The following VTI1A variants were observed in gnomAD, a reference collection of about 807,000 sequenced individuals.
VTI1A encodes the protein vesicle transport through interaction with t-SNAREs homolog 1A.
VTI1A carries 22 observed loss-of-function variants against 34.9 expected under a neutral mutation model. The ratio of observed to expected loss-of-function variants is 0.63; its 90% CI spans 0.45 to 0.90. VTI1A has a LOEUF of 0.90. Ranked by LOEUF, VTI1A falls within the 40% of genes least tolerant of loss-of-function variation. The pLI, the probability that VTI1A is intolerant of heterozygous loss-of-function variation, is 0.00. For missense variants in VTI1A, 268 were observed against 275.6 expected (o/e 0.97, Z 0.20); for synonymous variants, 87 against 97.3 (o/e 0.89, Z 0.62).
intron 2 of VTI1A, among the ~76,000 whole-genome samples, chr10:112,463,238 T>G (rs535594314): frequency 2.6e-5 from 4 of 152,292 alleles, no homozygotes; most frequent in African/African-American, 9.6e-5. Context: ...TTTTTATTTT[T>G]TAATGGCAAC....
intron 7 of VTI1A, among the ~76,000 whole-genome samples, chr10:112,788,953 C>T (rs1375811763): frequency 6.6e-6 from 1 of 152,036 alleles, no homozygotes; most frequent in Admixed American, 6.6e-5. Flanking sequence ...AATTTCCTCC[C>T]TCTTCCTTTG....
chr10:112,768,048 A>C (rs1028010925), intron 7 of VTI1A, among the ~76,000 whole-genome samples: 3 of 152,210 alleles, frequency 2.0e-5, no homozygotes, highest in Admixed American at 6.5e-5. Context: ...CTCCAGGACC[A>C]AGCCAGGCTT....
In VTI1A at chr10:112,779,624, A is replaced by C. The variant is rs1055762350; in HGVS notation, c.561-35666A>C. 5.3e-5 allele frequency among the ~76,000 whole-genome samples: 8 copies of C among 152,216 alleles called. No individual in the cohort carries two copies. In the East Asian group the frequency reaches 1.5e-3, roughly 29 times the overall value. On this transcript the variant is annotated intron_variant, in intron 7 of 7. Coordinates refer to ENST00000393077, the MANE Select transcript of VTI1A (RefSeq NM_145206.4). Reference sequence around the variant, plus strand: ...TGCTCTGTTAGCACATGCTCATCCCACTATTCAAAAAAATGACCATCTCGG... The same window carrying C: ...TGCTCTGTTAGCACATGCTCATCCCCCTATTCAAAAAAATGACCATCTCGG...
intron 7 of VTI1A, among the ~76,000 whole-genome samples, chr10:112,797,289 A>C (rs1435421972): frequency 1.3e-5 from 2 of 152,186 alleles, no homozygotes; most frequent in Non-Finnish European, 2.9e-5. Context: ...AAATATATAC[A>C]GAGAGAAATA....
At chr10:112,820,430 T>C (rs1419233796), downstream of VTI1A, among the ~76,000 whole-genome samples, 1 of 152,222 alleles carries the variant, frequency 6.6e-6, no homozygotes, top group Non-Finnish European at 1.5e-5. Context: ...CAAGAGATAT[T>C]CTGGTGGCTT....
chr10:112,531,222 A>C (rs1850428708), intron 4 of VTI1A, among the ~76,000 whole-genome samples: 2 of 152,196 alleles, frequency 1.3e-5, no homozygotes, highest in Non-Finnish European at 2.9e-5. Flanking sequence ...AGCGTAAACC[A>C]GATTTTTTCA....
In VTI1A at chr10:112,764,679, A is replaced by G. The variant is rs536622677; in HGVS notation, c.561-50611A>G. Among the ~76,000 whole-genome samples the G allele has an allele frequency of 2.9e-3, 440 of 152,272 alleles. 2 individuals are homozygous for G. The highest frequency in any genetic ancestry group is 9.9e-3 in the African/African-American group (412 of 41,562). ...GTTGAGCTTTTTCATTTTACTTAGT[A>G]TTTTGAGCCTGGTTAATGTTAACAT... is the stretch of plus-strand genomic sequence containing the variant. On this transcript the variant is annotated intron_variant, in intron 7 of 7. Transcript: ENST00000393077.
chr10:112,775,285 C>G (rs139855714), intron 7 of VTI1A, among the ~76,000 whole-genome samples: 34 of 152,174 alleles, frequency 2.2e-4, no homozygotes, highest in African/African-American at 8.2e-4. Context: ...GTTCCAAGAG[C>G]CTCATCGATC....
rs1304857539 is a variant in VTI1A at position 112,478,545 on chromosome 10, G to A, written c.264+13888G>A. ...TTGCTTCAGAGCGCTAACTGTGGGA[G>A]CGTACACAAAGGATTAAAATATGAA... On this transcript the variant is annotated intron_variant, in intron 3 of 7. Transcript: ENST00000393077. 2.0e-5 allele frequency among the ~76,000 whole-genome samples: 3 copies of A among 152,176 alleles called. No individual in the cohort carries two copies. The East Asian group carries it at 5.8e-4, about 29-fold the overall frequency.
chr10:112,508,502 G>C (rs1849506716), intron 3 of VTI1A, among the ~76,000 whole-genome samples: 1 of 152,142 alleles, frequency 6.6e-6, no homozygotes, highest in African/African-American at 2.4e-5. Context: ...GGGTAGGAGA[G>C]ACAAAAGTGA....
the VTI1A span, among the ~76,000 whole-genome samples, chr10:112,845,931 T>A: frequency 6.9e-3 from 1,044 of 152,042 alleles, 10 homozygotes; most frequent in African/African-American, 0.024. Flanking sequence ...GGCAGGAGAA[T>A]CACTTGAACC....
intron 7 of VTI1A, among the ~76,000 whole-genome samples, chr10:112,689,622 C>G (rs1454553184): frequency 6.6e-6 from 1 of 152,154 alleles, no homozygotes; most frequent in African/African-American, 2.4e-5. Flanking sequence ...TGATGGATGA[C>G]TTTTTGTCAT....
intron 7 of VTI1A, among the ~76,000 whole-genome samples, chr10:112,809,656 C>CAG (rs1853216681): frequency 6.6e-6 from 1 of 152,238 alleles, no homozygotes; most frequent in Non-Finnish European, 1.5e-5. Flanking sequence ...TACAAGCAGT[C>CAG]CTTAGAAACC....
At chr10:112,544,082 C>A (rs534938400) in intron 5 of VTI1A, among the ~76,000 whole-genome samples, 5 of 152,130 alleles carry the variant, frequency 3.3e-5, no homozygotes, top group Non-Finnish European at 7.3e-5. Flanking sequence ...GTTACTGTAG[C>A]CTTGTAGTAT....
intron 5 of VTI1A, among the ~76,000 whole-genome samples, chr10:112,665,101 G>A (rs1160690252): frequency 6.6e-6 from 1 of 152,176 alleles, no homozygotes; most frequent in Non-Finnish European, 1.5e-5. Context: ...AGGCCTCTGA[G>A]CTTGTGTTCT....
At chr10:112,459,389 C>T (rs1447345486) in intron 1 of VTI1A, among the ~76,000 whole-genome samples, 2 of 152,184 alleles carry the variant, frequency 1.3e-5, no homozygotes, top group Non-Finnish European at 2.9e-5. Flanking sequence ...AAAAGGCTTT[C>T]CCCTTGCTCT....
chr10:112,735,453 A>C (rs1037472183), intron 7 of VTI1A, among the ~76,000 whole-genome samples: 1 of 152,254 alleles, frequency 6.6e-6, no homozygotes, highest in African/African-American at 2.4e-5. Context: ...TTTGCTGAGA[A>C]GTAATTGAAA....
At chr10:112,596,466 T>A (rs1844650947) in intron 5 of VTI1A, among the ~76,000 whole-genome samples, 1 of 152,196 alleles carries the variant, frequency 6.6e-6, no homozygotes, top group Non-Finnish European at 1.5e-5. Context: ...TTGGACATTT[T>A]GGGGTTTTTA....
At chr10:112,841,103 C>G in the VTI1A span, among the ~76,000 whole-genome samples, 2 of 152,134 alleles carry the variant, frequency 1.3e-5, no homozygotes, top group Admixed American at 6.5e-5. Context: ...GGCACACCCC[C>G]CAGAGCGAAC....
Sources: gnomAD v4.1 joint callset for allele counts (sites outside exome capture counted in the v4.1 genomes callset) on GRCh38, gnomAD v4.1.1 for gene constraint, MANE v1.5 for transcripts, NCBI Gene and HGNC (gene_info 2026-07-23, HGNC 2026-07-21) for gene names.